GPR137C: variants seen among roughly 807,000 people sequenced by gnomAD.
The protein encoded by GPR137C is integral membrane protein GPR137C.
Under a neutral mutation model 43.4 loss-of-function variants are expected in GPR137C, and 27 were observed. The ratio of observed to expected loss-of-function variants is 0.62; its 90% CI spans 0.46 to 0.86. The LOEUF is 0.86. Ranked by LOEUF, GPR137C falls within the 40% of genes least tolerant of loss-of-function variation. The pLI is 0.00. For synonymous variants in GPR137C, 285 were observed against 226.9 expected (o/e 1.26, Z -2.30); for missense variants, 522 against 534.6 (o/e 0.98, Z 0.23).
At chr14:52,576,788 G>A (rs752669935) in intron 1 of GPR137C, among the ~76,000 whole-genome samples, 17 of 152,104 alleles carry the variant, frequency 1.1e-4, no homozygotes, top group Non-Finnish European at 2.5e-4. Context: ...CATATGCTGG[G>A]CCACAAGGCG....
chr14:52,583,928 CTG>C (rs146678873), intron 1 of GPR137C, among the ~76,000 whole-genome samples: 13,618 of 152,204 alleles, frequency 0.089, 667 homozygotes, highest in South Asian at 0.15. Context: ...CTCTTAAAAA[CTG>C]AGCTATTCTT....
At chr14:52,564,033 T>G (rs1321581397) in intron 1 of GPR137C, among the ~76,000 whole-genome samples, 1 of 152,004 alleles carries the variant, frequency 6.6e-6, no homozygotes, top group African/African-American at 2.4e-5. Context: ...CCCAGCACTT[T>G]GGGAGGCCAA....
intron 3 of GPR137C, among the ~76,000 whole-genome samples, chr14:52,623,170 C>T (rs1163894455): frequency 6.6e-6 from 1 of 152,092 alleles, no homozygotes; most frequent in East Asian, 1.9e-4. Flanking sequence ...ACAAAATAAG[C>T]CCTGCCACAT....
intron 1 of GPR137C, among the ~76,000 whole-genome samples, chr14:52,596,469 G>C (rs1419031334): frequency 6.6e-6 from 1 of 152,254 alleles, no homozygotes; most frequent in Non-Finnish European, 1.5e-5. Flanking sequence ...GAGCTGCGGT[G>C]GGCTCTGCCC....
intron 1 of GPR137C, among the ~76,000 whole-genome samples, chr14:52,583,158 G>C (rs569336490): frequency 2.6e-5 from 4 of 152,048 alleles, no homozygotes; most frequent in African/African-American, 9.7e-5. Flanking sequence ...AAGTCATTTA[G>C]ATACATTATT....
chr14:52,586,534 C>A (rs146509526), intron 1 of GPR137C, among the ~76,000 whole-genome samples: 1 of 152,300 alleles, frequency 6.6e-6, no homozygotes, highest in Non-Finnish European at 1.5e-5. Flanking sequence ...CTAAACTACT[C>A]TGCTGTTTTC....
rs138552911 is a variant in GPR137C, at chr14:52,632,824, G to A, written c.867+515G>A. On this transcript the variant is annotated intron_variant, in intron 4 of 6. Transcript: ENST00000321662. Reference sequence around the variant, plus strand: ...CTTGGGTGTCCAGGTATTTGCTATCGTAATTCCCAGTACTCTAACTACGCA... The same window carrying A: ...CTTGGGTGTCCAGGTATTTGCTATCATAATTCCCAGTACTCTAACTACGCA... Among the ~76,000 whole-genome samples the A allele has an allele frequency of 1.5e-3, 222 of 152,130 alleles. 1 individual carries two copies. The highest frequency in any genetic ancestry group is 2.2e-3 in the Non-Finnish European group (149 of 67,934).
At chr14:52,568,585 C>T (rs572555933) in intron 1 of GPR137C, among the ~76,000 whole-genome samples, 1 of 152,292 alleles carries the variant, frequency 6.6e-6, no homozygotes, top group African/African-American at 2.4e-5. Context: ...ACAGCGAGAC[C>T]TGAGACACTG....
rs1418045425 is a variant in GPR137C, at chr14:52,636,604, T to TA, written c.*1490dup. ...TGTACTTCAACTTTTTAACAACTGA[T>TA]ACAATAACTTCATAAAAGTATAACA... On this transcript the variant is annotated 3_prime_UTR_variant, in exon 7 of 7. Coordinates refer to ENST00000321662, the MANE Select transcript of GPR137C (RefSeq NM_001099652.2). The TA allele has an allele frequency of 3.2e-4, 48 of 152,262 alleles. No homozygotes were observed. The highest frequency in any genetic ancestry group is 1.2e-3 in the African/African-American group (48 of 41,578). 9.4% of individuals were successfully genotyped at this position (152,262 alleles called of 1,614,324 possible).
At chr14:52,623,404 G>A (rs573219568) in intron 3 of GPR137C, among the ~76,000 whole-genome samples, 7 of 152,234 alleles carry the variant, frequency 4.6e-5, no homozygotes, top group East Asian at 1.9e-4. Flanking sequence ...TGGCCAATGC[G>A]ATATAATAAC....
intron 1 of GPR137C, among the ~76,000 whole-genome samples, chr14:52,561,507 T>C (rs1165907042): frequency 6.6e-6 from 1 of 152,176 alleles, no homozygotes; most frequent in Admixed American, 6.5e-5. Context: ...TGAAAGCATA[T>C]GTTCCTATAA....
chr14:52,593,061 A>T (rs182537483), intron 1 of GPR137C, among the ~76,000 whole-genome samples: 10 of 152,260 alleles, frequency 6.6e-5, no homozygotes, highest in Admixed American at 3.9e-4. Flanking sequence ...ATTTAATCGA[A>T]GGCCTTTTCT....
chr14:52,567,233 T>C (rs1391975688), intron 1 of GPR137C, among the ~76,000 whole-genome samples: 2 of 152,206 alleles, frequency 1.3e-5, no homozygotes, highest in Non-Finnish European at 2.9e-5. Context: ...TGTATCATAG[T>C]TTCTCCATCT....
At chr14:52,576,356 T>C (rs975743055) in intron 1 of GPR137C, among the ~76,000 whole-genome samples, 2 of 152,240 alleles carry the variant, frequency 1.3e-5, no homozygotes, top group Non-Finnish European at 2.9e-5. Context: ...CACATTTTAA[T>C]CTAATCATCC....
intron 3 of GPR137C, among the ~76,000 whole-genome samples, chr14:52,620,745 TG>T (rs1421347529): frequency 1.3e-5 from 2 of 151,716 alleles, no homozygotes; most frequent in Non-Finnish European, 2.9e-5. Context: ...AAAAACCAAA[TG>T]GAAATTCTAG....
chr14:52,576,509 T>C (rs2038554622), intron 1 of GPR137C, among the ~76,000 whole-genome samples: 1 of 152,246 alleles, frequency 6.6e-6, no homozygotes, highest in African/African-American at 2.4e-5. Context: ...AATGGAATTA[T>C]AGTTCCATTT....
intron 1 of GPR137C, among the ~76,000 whole-genome samples, chr14:52,567,273 A>G (rs758003614): frequency 1.6e-4 from 24 of 152,180 alleles, no homozygotes; most frequent in Non-Finnish European, 3.2e-4. Context: ...GTGAAGTTAA[A>G]TAGAATAATA....
intron 1 of GPR137C, among the ~76,000 whole-genome samples, chr14:52,594,342 G>T (rs2038823213): frequency 1.3e-5 from 2 of 152,196 alleles, no homozygotes; most frequent in Non-Finnish European, 2.9e-5. Flanking sequence ...TATTAGGTCT[G>T]CTTGGTGCAG....
chr14:52,624,006 C>G (rs1446394096), intron 3 of GPR137C, among the ~76,000 whole-genome samples: 1 of 151,604 alleles, frequency 6.6e-6, no homozygotes, highest in Non-Finnish European at 1.5e-5. Context: ...AACAATTCCC[C>G]CATTTCTAAG....
Sources: allele counts gnomAD v4.1 joint callset (sites outside exome capture counted in the v4.1 genomes callset), GRCh38; gene constraint gnomAD v4.1.1; transcripts MANE v1.5; gene names NCBI Gene and HGNC (gene_info 2026-07-23, HGNC 2026-07-21).